TMEM230: variants seen among roughly 807,000 people sequenced by gnomAD.
TMEM230 encodes the protein transmembrane protein 230.
In TMEM230, 10 loss-of-function variants were observed where a neutral mutation model predicts 15.8. That is an observed-to-expected ratio of 0.63 (90% CI 0.39 to 1.07). The LOEUF is 1.07. Ranked by LOEUF, TMEM230 falls within the 50% of genes least tolerant of loss-of-function variation. The probability of loss-of-function intolerance (pLI) is 0.01; values close to 1 mark genes in which losing one functional copy is unlikely to be tolerated. For synonymous variants in TMEM230, 67 were observed against 76.9 expected, an observed-to-expected ratio of 0.87 and a Z score of 0.68; for missense variants, 165 against 193.3, an observed-to-expected ratio of 0.85 and a Z score of 0.87.
At position 5,106,286 on chromosome 20, in the gene TMEM230, G is replaced by A; in HGVS notation, c.313C>T (p.Pro105Ser). 1.2e-6 allele frequency: 2 copies of A among 1,609,730 alleles called. No homozygotes were observed. The highest frequency in any genetic ancestry group is 1.7e-6 in the Non-Finnish European group (2 of 1,178,700). The change falls in exon 4 of 5, where the codon CCT (proline) becomes TCT (serine). Residue 105 changes from proline to serine, a missense_variant. By Grantham distance (74) the Pro-to-Ser change is moderately conservative. Coordinates refer to ENST00000342308, the MANE Select transcript of TMEM230 (RefSeq NM_001009923.2). ...GTGGCAAGTGCGATGGCCTTATAAGGGATCTTAGGAGGGGTTTTCTTAAAC... is the reference window on the plus strand; with the variant it reads ...GTGGCAAGTGCGATGGCCTTATAAGAGATCTTAGGAGGGGTTTTCTTAAAC...
At chr20:5,089,257 C>A (rs1042366782) in intron 3 of TMEM230, among the ~76,000 whole-genome samples, 2 of 152,192 alleles carry the variant, frequency 1.3e-5, no homozygotes, top group South Asian at 2.1e-4. Flanking sequence ...CACCTATAGT[C>A]CCAGCTATTA....
chr20:5,107,037 C>T (rs571550453), intron 3 of TMEM230, among the ~76,000 whole-genome samples: 5 of 152,238 alleles, frequency 3.3e-5, no homozygotes, highest in East Asian at 1.9e-4. Context: ...GAGGAGAGCT[C>T]GCACCTGTAA....
Position 5,113,061 on chromosome 20 carries a change from C to G in TMEM230, c.-33G>C, listed in dbSNP as rs755838979. On this transcript the variant is annotated 5_prime_UTR_variant, in exon 1 of 5. Transcript: ENST00000342308. ...CCCGCTTAAGTGCCACTCAGCCGGCCCCAGGCGGGATCAGTGCGCCGGAAG... is the reference window on the plus strand; with the variant it reads ...CCCGCTTAAGTGCCACTCAGCCGGCGCCAGGCGGGATCAGTGCGCCGGAAG... 20 of 1,541,154 alleles carry G rather than the reference C, an allele frequency of 1.3e-5. No individual in the cohort carries two copies. In the South Asian group the frequency reaches 2.4e-4, roughly 18 times the overall value.
At chr20:5,089,279 G>A (rs189199335) in intron 3 of TMEM230, among the ~76,000 whole-genome samples, 122 of 152,248 alleles carry the variant, frequency 8.0e-4, no homozygotes, top group African/African-American at 2.5e-3. Flanking sequence ...GGAGACTGAG[G>A]CAGGAGAATC....
intron 3 of TMEM230, among the ~76,000 whole-genome samples, chr20:5,094,344 A>T (rs762897335): frequency 6.6e-6 from 1 of 151,792 alleles, no homozygotes; most frequent in African/African-American, 2.4e-5. Flanking sequence ...CCTGGGCTCA[A>T]CTGATCCCAT....
chr20:5,087,751 T>C (rs1254148104), intron 3 of TMEM230, among the ~76,000 whole-genome samples: 2 of 137,808 alleles, frequency 1.5e-5, no homozygotes, highest in Non-Finnish European at 1.5e-5. Flanking sequence ...AGGAAATCCA[T>C]ATCACAACTC....
At chr20:5,103,601 A>T (rs1032306399) in intron 4 of TMEM230, among the ~76,000 whole-genome samples, 2 of 151,580 alleles carry the variant, frequency 1.3e-5, no homozygotes, top group African/African-American at 4.9e-5. Context: ...ACTGCACTCC[A>T]GCCTGGATGA....
In TMEM230 at chr20:5,100,395, A is replaced by T. The variant is rs1345106926; in HGVS notation, c.*396T>A. 1 of 989,942 alleles carries T rather than the reference A, an allele frequency of 1.0e-6. No individual in the cohort carries two copies. The highest frequency in any genetic ancestry group is 5.9e-5 in the Admixed American group (1 of 16,968). 61.3% of individuals were successfully genotyped at this position (989,942 alleles called of 1,614,324 possible). On this transcript the variant is annotated 3_prime_UTR_variant, in exon 5 of 5. Transcript: ENST00000342308. ...CAGGATAATATACTCAGATATTTTT[A>T]AAATAAATTACTTAATAATAAGAAA...
At chr20:5,081,864 C>CTTTTTTTTTTTT (rs770805896) in intron 3 of TMEM230, among the ~76,000 whole-genome samples, 2 of 140,332 alleles carry the variant, frequency 1.4e-5, no homozygotes, top group African/African-American at 5.9e-5. Context: ...CACTGATTTT[C>CTTTTTTTTTTTT]TTTTTTTTCT....
intron 3 of TMEM230, among the ~76,000 whole-genome samples, chr20:5,089,620 A>G (rs6053102): frequency 0.55 from 82,591 of 150,662 alleles, 22,991 homozygotes; most frequent in East Asian, 0.84. Flanking sequence ...AGAATTGCTT[A>G]AGCCTGTGAG....
At chr20:5,063,277 A>ATTTTTTTTTTT (rs1165126313), downstream of TMEM230, among the ~76,000 whole-genome samples, 2 of 86,412 alleles carry the variant, frequency 2.3e-5, no homozygotes, top group Non-Finnish European at 4.1e-5. Context: ...GCTGCTATGA[A>ATTTTTTTTTTT]TTTTTTTTTT....
downstream of TMEM230, among the ~76,000 whole-genome samples, chr20:5,067,756 C>CA (rs35347549): frequency 0.59 from 82,615 of 139,534 alleles, 25,073 homozygotes; most frequent in East Asian, 0.83. Context: ...ACCCAGCCCC[C>CA]CTCTGCTTTT....
chr20:5,091,736 A>G (rs202087974), intron 3 of TMEM230, among the ~76,000 whole-genome samples: 1 of 134,614 alleles, frequency 7.4e-6, no homozygotes, highest in Non-Finnish European at 1.6e-5. Flanking sequence ...GATACCTACC[A>G]AAGCTATGTC....
chr20:5,099,228 A>G (rs199843160), downstream of TMEM230, among the ~76,000 whole-genome samples: 1 of 91,248 alleles, frequency 1.1e-5, no homozygotes, highest in Admixed American at 1.1e-4. Flanking sequence ...ATAAATAAAT[A>G]AATAAATCAA....
intron 3 of TMEM230, among the ~76,000 whole-genome samples, chr20:5,081,425 G>C (rs1457480622): frequency 6.6e-6 from 1 of 152,218 alleles, no homozygotes; most frequent in Non-Finnish European, 1.5e-5. Context: ...GGGGAGCTGG[G>C]TCTGGCAGCC....
chr20:5,089,020 C>G (rs566532075), intron 3 of TMEM230, among the ~76,000 whole-genome samples: 25 of 152,102 alleles, frequency 1.6e-4, no homozygotes, highest in Non-Finnish European at 3.1e-4. Flanking sequence ...GTTATGGTCA[C>G]GAAATAAAAA....
In TMEM230 at chr20:5,111,527, T is replaced by G. The variant is rs2090317999; in HGVS notation, c.147A>C (p.Ser49=). Residue 49 remains serine (S), a synonymous_variant, in exon 2 of 5, where the codon TCA becomes TCC. Transcript: ENST00000342308. ...GGGAGGCTGAAGCAGAAGAATCGCT[T>G]GAAGCCAGGAGGTGGAGATTGCAGT... The G allele has an allele frequency of 1.0e-5, 2 of 195,564 alleles. No individual in the cohort carries two copies. Among genetic ancestry groups the G allele is most frequent in the Non-Finnish European group, 2.2e-5 (2 of 90,500 alleles). 12.1% of individuals were successfully genotyped at this position (195,564 alleles called of 1,614,324 possible). A position where few individuals can be genotyped will look rare whatever the true frequency, so the allele number is the denominator to read the frequency against.
downstream of TMEM230, chr20:5,067,437 A>G (rs1480490123): frequency 2.9e-5 from 1 of 34,906 alleles, no homozygotes; most frequent in Non-Finnish European, 4.8e-5. Context: ...ATATATATAT[A>G]TATATATATA....
chr20:5,080,096 G>A (rs747833613), intron 3 of TMEM230, among the ~76,000 whole-genome samples: 3 of 152,128 alleles, frequency 2.0e-5, no homozygotes, highest in Non-Finnish European at 4.4e-5. Context: ...TAGTTATTGT[G>A]AATGAGACAA....
Sources: gnomAD v4.1 joint callset for allele counts (sites outside exome capture counted in the v4.1 genomes callset) on GRCh38, gnomAD v4.1.1 for gene constraint, MANE v1.5 for transcripts, NCBI Gene and HGNC (gene_info 2026-07-23, HGNC 2026-07-21) for gene names.